Variants in SRL observed in about 807,000 individuals in gnomAD.
SRL encodes the protein sarcalumenin.
In SRL, 23 loss-of-function variants were observed where a neutral mutation model predicts 39.5. The observed-to-expected ratio is 0.58, with a 90% confidence interval of 0.42 to 0.82. The LOEUF is 0.82. Among genes scored for constraint, SRL ranks in the 40% least tolerant of loss-of-function variants. SRL has a pLI of 0.00. For missense variants in SRL, 592 were observed against 607.8 expected (o/e 0.97, Z 0.27); for synonymous variants, 272 against 237.4 (o/e 1.15, Z -1.34).
intron 1 of SRL, among the ~76,000 whole-genome samples, chr16:4,238,259 C>T (rs1346103049): frequency 6.6e-6 from 1 of 152,152 alleles, no homozygotes; most frequent in Non-Finnish European, 1.5e-5. Context: ...GCCCTCCCTG[C>T]TCCCCACTCC....
chr16:4,203,090 G>A lies in SRL; in HGVS notation c.259+76C>T, dbSNP rs572095473. The A allele has an allele frequency of 1.8e-5, 23 of 1,313,378 alleles. No homozygotes were observed. The African/African-American group carries it at 2.5e-4, about 14-fold the overall frequency. 81.4% of individuals were successfully genotyped at this position (1,313,378 alleles called of 1,614,324 possible). On this transcript the variant is annotated intron_variant, in intron 3 of 5. Transcript: ENST00000399609. ...GTGGGTACCGGGAGAGTCCAGGCCG[G>A]TCAGCAGTGTGGCCCCGCCGACAGG... is the stretch of plus-strand genomic sequence containing the variant.
chr16:4,199,649 G>T, intron 3 of SRL, among the ~76,000 whole-genome samples: 1 of 149,532 alleles, frequency 6.7e-6, no homozygotes. Context: ...TCTATTGCAG[G>T]CATGAGCCCG....
At chr16:4,208,304 T>C (rs1183226129) in intron 1 of SRL, among the ~76,000 whole-genome samples, 3 of 152,278 alleles carry the variant, frequency 2.0e-5, no homozygotes, top group East Asian at 3.9e-4. Flanking sequence ...CCTCCCAAGA[T>C]GTAGAAGCTG....
chr16:4,197,600 T>A (rs2052166880), intron 4 of SRL, among the ~76,000 whole-genome samples, 199 bp downstream of exon 4: 1 of 151,746 alleles, frequency 6.6e-6, no homozygotes, highest in African/African-American at 2.4e-5. Context: ...TTTTGTATTT[T>A]TTTTTTAGTA....
chr16:4,240,786 C>A (rs1258700568), intron 1 of SRL, among the ~76,000 whole-genome samples: 2 of 152,130 alleles, frequency 1.3e-5, no homozygotes, highest in African/African-American at 2.4e-5. Flanking sequence ...AGGGTGGCAG[C>A]GGCTTGGGGC....
intron 1 of SRL, among the ~76,000 whole-genome samples, chr16:4,227,056 A>ATGGG (rs1567188230): frequency 1.3e-5 from 2 of 149,162 alleles, no homozygotes; most frequent in African/African-American, 2.5e-5. Flanking sequence ...GGATGAATGG[A>ATGGG]TGGATGGATG....
chr16:4,190,264 C>G lies in SRL; in HGVS notation c.*1889G>C. The stretch of plus-strand genomic sequence containing the variant: ...CTCATAGACCTAACCTGACTGCCAA[C>G]TGGCTTACCCTGCCTGACCTCAGAG... On this transcript the variant is annotated 3_prime_UTR_variant, in exon 6 of 6. Coordinates refer to ENST00000399609, the MANE Select transcript of SRL (RefSeq NM_001098814.2). The G allele has an allele frequency of 2.5e-6, 1 of 398,938 alleles. No individual in the cohort carries two copies. Among genetic ancestry groups the G allele is most frequent in the Non-Finnish European group, 4.4e-6 (1 of 226,292 alleles). The allele number at this position is 398,938 out of a possible 1,614,324, so 24.7% of individuals were successfully genotyped here.
At chr16:4,193,996 C>T (rs1046290642) in intron 5 of SRL, among the ~76,000 whole-genome samples, 2 of 151,476 alleles carry the variant, frequency 1.3e-5, no homozygotes, top group African/African-American at 4.8e-5. Context: ...TCTAATATTA[C>T]TGCTAATATC....
chr16:4,226,082 A>G (rs913462834), intron 1 of SRL, among the ~76,000 whole-genome samples: 1 of 152,078 alleles, frequency 6.6e-6, no homozygotes, highest in Non-Finnish European at 1.5e-5. Flanking sequence ...GTCTGCTCCA[A>G]TGTCACCAGC....
intron 1 of SRL, among the ~76,000 whole-genome samples, chr16:4,223,425 T>C (rs1300000675): frequency 1.3e-5 from 2 of 152,020 alleles, no homozygotes; most frequent in African/African-American, 4.8e-5. Flanking sequence ...TCACTCCAGC[T>C]GGAGTGCAGT....
intron 1 of SRL, among the ~76,000 whole-genome samples, chr16:4,241,156 A>G (rs2052768234): frequency 6.6e-6 from 1 of 152,106 alleles, no homozygotes; most frequent in Non-Finnish European, 1.5e-5. Context: ...CTCGGTGGGC[A>G]GTCCGGATCC....
At chr16:4,203,081 T>A (rs2052258534) in intron 3 of SRL, 85 bp downstream of exon 3, 1 of 1,193,202 alleles carries the variant, frequency 8.4e-7, no homozygotes, top group Admixed American at 1.7e-5. Flanking sequence ...ACCGGGAGAG[T>A]CCAGGCCGGT....
chr16:4,195,764 C>T lies in SRL; in HGVS notation c.399G>A (p.Glu133=). The T allele has an allele frequency of 6.2e-7, 1 of 1,614,028 alleles. No homozygotes were observed. Among genetic ancestry groups the T allele is most frequent in the Non-Finnish European group, 8.5e-7 (1 of 1,179,992 alleles). ...TAGGCCCATGCATGAGGACCGTGAA[C>T]TCAGAGGTGGTGGGTTCAGCGCCTG... The part of the protein sequence containing the change: ...LYTGAEPTTS[E]FTVLMHGPKL... The change falls in exon 5 of 6, where the codon GAG becomes GAA. Residue 133 remains glutamate, a synonymous_variant. Coordinates refer to ENST00000399609, the MANE Select transcript of SRL (RefSeq NM_001098814.2).
chr16:4,232,442 G>A (rs1481104866), intron 1 of SRL, among the ~76,000 whole-genome samples: 1 of 152,184 alleles, frequency 6.6e-6, no homozygotes, highest in African/African-American at 2.4e-5. Flanking sequence ...TGCTGTGTAA[G>A]TTGGAGGCCC....
chr16:4,210,264 C>T (rs942344561), intron 1 of SRL, among the ~76,000 whole-genome samples: 4 of 152,100 alleles, frequency 2.6e-5, no homozygotes, highest in African/African-American at 9.7e-5. Flanking sequence ...CACCTTCCAC[C>T]CCTGCAGAAA....
At position 4,191,090 on chromosome 16, in the gene SRL, T is replaced by C. The variant is rs774194034; in HGVS notation, c.*1063A>G. The C allele has an allele frequency of 1.3e-5, 2 of 152,230 alleles. No homozygotes were observed. Among genetic ancestry groups the C allele is most frequent in the Non-Finnish European group, 2.9e-5 (2 of 68,084 alleles). 9.4% of individuals were successfully genotyped at this position (152,230 alleles called of 1,614,324 possible). A position where few individuals can be genotyped will look rare whatever the true frequency, so the allele number is the denominator to read the frequency against. On this transcript the variant is annotated 3_prime_UTR_variant, in exon 6 of 6. Coordinates refer to ENST00000399609, the MANE Select transcript of SRL (RefSeq NM_001098814.2). ...CTCTGAGCCCTTCCACGACCTTCACTACAGTCACTTCCAAGAGTAAATTAC... is the reference window on the plus strand; with the variant it reads ...CTCTGAGCCCTTCCACGACCTTCACCACAGTCACTTCCAAGAGTAAATTAC...
At chr16:4,220,409 T>A (rs963903807) in intron 1 of SRL, among the ~76,000 whole-genome samples, 1 of 151,102 alleles carries the variant, frequency 6.6e-6, no homozygotes, top group Non-Finnish European at 1.5e-5. Context: ...GATCACGCCA[T>A]TGCACTCCAG....
chr16:4,208,174 A>G (rs2052348745), intron 1 of SRL: 2 of 375,288 alleles, frequency 5.3e-6, no homozygotes, highest in South Asian at 4.1e-5. Context: ...AGAGTCTATA[A>G]TAACCTAGCT....
intron 2 of SRL, 124 bp downstream of exon 2, chr16:4,204,409 A>ATACAGCCCCGGCCTCCAAGT: frequency 1.2e-6 from 1 of 865,964 alleles, no homozygotes; most frequent in Non-Finnish European, 1.9e-6. Flanking sequence ...TCCAAGATAG[A>ATACAGCCCCGGCCTCCAAGT]TACAGCCCCG....
Sources: gnomAD v4.1 joint callset for allele counts (sites outside exome capture counted in the v4.1 genomes callset) on GRCh38, gnomAD v4.1.1 for gene constraint, MANE v1.5 for transcripts, NCBI Gene and HGNC (gene_info 2026-07-23, HGNC 2026-07-21) for gene names.